PPP1R13B: variants seen among roughly 807,000 people sequenced by gnomAD.
PPP1R13B encodes protein phosphatase 1 regulatory subunit 13B, also known as apoptosis-stimulating of p53 protein 1.
A neutral mutation model predicts 119.8 loss-of-function variants in PPP1R13B; 44 were observed. The ratio of observed to expected loss-of-function variants is 0.37; its 90% CI spans 0.29 to 0.47. The LOEUF (loss-of-function observed/expected upper bound fraction) is 0.47, where lower values mean the gene tolerates loss of function less well. Ranked by LOEUF, PPP1R13B falls within the 20% of genes least tolerant of loss-of-function variation. The probability of loss-of-function intolerance (pLI) is 0.99; values close to 1 mark genes in which losing one functional copy is unlikely to be tolerated. For synonymous variants in PPP1R13B, 542 were observed against 561.5 expected (o/e 0.97, Z 0.49); for missense variants, 1,227 against 1,413.5 (o/e 0.87, Z 2.12).
At chr14:103,811,088 C>A (rs1455648477) in intron 1 of PPP1R13B, among the ~76,000 whole-genome samples, 8 of 125,314 alleles carry the variant, frequency 6.4e-5, no homozygotes, top group African/African-American at 2.6e-4. Context: ...GCGTGAGACT[C>A]CTCCTCAAAA....
Position 103,738,522 on chromosome 14 carries a change from G to T in PPP1R13B, c.2864+157C>A. The T allele has an allele frequency of 8.2e-7, 1 of 1,216,824 alleles. No homozygotes were observed. The highest frequency in any genetic ancestry group is 1.1e-6 in the Non-Finnish European group (1 of 884,128). 75.4% of individuals were successfully genotyped at this position (1,216,824 alleles called of 1,614,324 possible). ...GAGAAAAGGCTGGAAAAAAAGGCAA[G>T]GAAACCCTGGCAACAGCTGTCTTTC... is the stretch of plus-strand genomic sequence containing the variant. On this transcript the variant is annotated intron_variant, in intron 14 of 16. Coordinates refer to ENST00000202556, the MANE Select transcript of PPP1R13B (RefSeq NM_015316.3). This position sits in a 1 kb window ranked among gnomAD's most constrained non-coding sequence, Gnocchi z 5.6.
chr14:103,841,320 G>C (rs1411520273), intron 1 of PPP1R13B, among the ~76,000 whole-genome samples: 1 of 152,014 alleles, frequency 6.6e-6, no homozygotes, highest in Non-Finnish European at 1.5e-5. Context: ...GGGCGCGGTG[G>C]CTCAAGCCTG....
chr14:103,800,546 C>G (rs1347305881), intron 1 of PPP1R13B, among the ~76,000 whole-genome samples: 1 of 151,658 alleles, frequency 6.6e-6, no homozygotes, highest in Non-Finnish European at 1.5e-5. Flanking sequence ...CCCAGCTACT[C>G]AGGAGGCTGA....
intron 1 of PPP1R13B, among the ~76,000 whole-genome samples, chr14:103,799,622 T>G (rs929936744): frequency 1.3e-5 from 2 of 151,572 alleles, no homozygotes; most frequent in South Asian, 4.1e-4. Flanking sequence ...TTTTTGTTTT[T>G]TTTTTTTTTA....
intron 9 of PPP1R13B, among the ~76,000 whole-genome samples, chr14:103,746,085 C>T (rs1191378277): frequency 3.9e-5 from 6 of 152,232 alleles, no homozygotes; most frequent in African/African-American, 9.6e-5. Context: ...GGATTACAGG[C>T]GTGAGCCACT....
At chr14:103,761,209 G>A (rs1477076354) in intron 4 of PPP1R13B, among the ~76,000 whole-genome samples, 1 of 144,880 alleles carries the variant, frequency 6.9e-6, no homozygotes, top group East Asian at 2.0e-4. Flanking sequence ...GGGAGGTTGA[G>A]AATGCAGTGA....
chr14:103,766,645 T>C (rs2151998884), intron 4 of PPP1R13B, among the ~76,000 whole-genome samples: 1 of 152,374 alleles, frequency 6.6e-6, no homozygotes, highest in South Asian at 2.1e-4. Flanking sequence ...AGTCTCGCTC[T>C]GTCACCAGCT....
Position 103,753,095 on chromosome 14 carries a change from A to C in PPP1R13B, c.733T>G (p.Leu245Val). The change falls in exon 7 of 17, where the codon TTA becomes GTA. Residue 245 changes from leucine to valine, a missense_variant. Leu to Val is a conservative substitution (Grantham distance 32). Coordinates refer to ENST00000202556, the MANE Select transcript of PPP1R13B (RefSeq NM_015316.3). ...VDQLSQQLED[L>V]KKGKLNGFQS... Reference sequence around the variant, plus strand: ...AACCCATTCAGTTTTCCTTTCTTTAAATCTTCCAATTGCTGACTAAGCTGA... The same window carrying C: ...AACCCATTCAGTTTTCCTTTCTTTACATCTTCCAATTGCTGACTAAGCTGA... 2 of 1,614,096 alleles carry C rather than the reference A, an allele frequency of 1.2e-6. No homozygotes were observed. The highest frequency in any genetic ancestry group is 1.7e-6 in the Non-Finnish European group (2 of 1,180,032).
At chr14:103,847,120 C>T in intron 1 of PPP1R13B, 179 bp downstream of exon 1, 1 of 983,644 alleles carries the variant, frequency 1.0e-6, no homozygotes, top group Non-Finnish European at 1.2e-6. Flanking sequence ...GACAGCCCGG[C>T]GCCGCCCCCA....
chr14:103,820,115 G>A (rs1327421075), intron 1 of PPP1R13B, among the ~76,000 whole-genome samples: 3 of 152,152 alleles, frequency 2.0e-5, no homozygotes, highest in Non-Finnish European at 4.4e-5. Context: ...AAAAAGGCCA[G>A]CAACAATCAG....
rs551112322 is a variant in PPP1R13B at position 103,836,380 on chromosome 14, C to T, written c.9+10919G>A. On this transcript the variant is annotated intron_variant, in intron 1 of 16. Transcript: ENST00000202556. ...TTATTACATATAGTAACAGACAATGCTCTAAGCACCTGACAATCCTAACAG... is the reference window on the plus strand; with the variant it reads ...TTATTACATATAGTAACAGACAATGTTCTAAGCACCTGACAATCCTAACAG... Among the ~76,000 whole-genome samples the T allele has an allele frequency of 1.5e-4, 23 of 152,204 alleles. No homozygotes were observed. The Middle Eastern group carries it at 0.017, about 113-fold the overall frequency.
At chr14:103,778,576 T>TAA (rs1231787188) in intron 4 of PPP1R13B, 169 bp downstream of exon 4, 6 of 601,804 alleles carry the variant, frequency 1.0e-5, no homozygotes, top group Non-Finnish European at 1.8e-5. Context: ...ATTAATTTTT[T>TAA]AAAACCTTTT....
At position 103,797,354 on chromosome 14, in the gene PPP1R13B, C is replaced by T; in HGVS notation, c.157+17G>A. On this transcript the variant is annotated intron_variant, in intron 2 of 16. Coordinates refer to ENST00000202556, the MANE Select transcript of PPP1R13B (RefSeq NM_015316.3). ...GATTTTATCAATGTAACAATCTTTA[C>T]AGGACCTAATACATACCATTTCCCC... 2 of 1,596,340 alleles carry T rather than the reference C, an allele frequency of 1.3e-6. No individual in the cohort carries two copies. The highest frequency in any genetic ancestry group is 8.5e-7 in the Non-Finnish European group (1 of 1,172,526).
intron 2 of PPP1R13B, among the ~76,000 whole-genome samples, chr14:103,790,903 G>A (rs1294135774): frequency 6.6e-6 from 1 of 152,128 alleles, no homozygotes; most frequent in Non-Finnish European, 1.5e-5. Context: ...ATAAACTTGT[G>A]TTTATACTTA....
At chr14:103,805,558 G>A (rs1235881141) in intron 1 of PPP1R13B, among the ~76,000 whole-genome samples, 1 of 151,756 alleles carries the variant, frequency 6.6e-6, no homozygotes, top group East Asian at 1.9e-4. Flanking sequence ...GTGACAGAGC[G>A]AGATGCTGTC....
intron 1 of PPP1R13B, among the ~76,000 whole-genome samples, chr14:103,833,224 C>A (rs2086698770): frequency 6.6e-6 from 1 of 152,136 alleles, no homozygotes; most frequent in Non-Finnish European, 1.5e-5. Context: ...TAATACACTT[C>A]CCTCACATCT....
At position 103,827,559 on chromosome 14, in the gene PPP1R13B, T is replaced by C. The variant is rs142031939; in HGVS notation, c.9+19740A>G. 8.7e-4 allele frequency among the ~76,000 whole-genome samples: 131 copies of C among 150,492 alleles called. 1 individual carries two copies. Among genetic ancestry groups the C allele is most frequent in the African/African-American group, 3.1e-3 (127 of 40,594 alleles). ...GCTAGAAAGTTATAGTATGATATAGTATATATCACACTATAGATCTATAGT... is the reference window on the plus strand; with the variant it reads ...GCTAGAAAGTTATAGTATGATATAGCATATATCACACTATAGATCTATAGT... On this transcript the variant is annotated intron_variant, in intron 1 of 16. Transcript: ENST00000202556.
chr14:103,742,270 G>A lies in PPP1R13B; in HGVS notation c.1342C>T (p.Pro448Ser), dbSNP rs1324969771. 2 of 1,566,392 alleles carry A rather than the reference G, an allele frequency of 1.3e-6. No individual in the cohort carries two copies. Among genetic ancestry groups the A allele is most frequent in the Admixed American group, 3.6e-5 (2 of 55,168 alleles). ...EKPGIEIGKV[P>S]PPIPGVGKQL... ...TTGCCTACACCCGGGATGGGAGGTGGCACTTTACCAATCTCGATGCCCTAA... is the reference window on the plus strand; with the variant it reads ...TTGCCTACACCCGGGATGGGAGGTGACACTTTACCAATCTCGATGCCCTAA... Residue 448 changes from proline to serine, a missense_variant, in exon 11 of 17, where the codon CCA becomes TCA. Coordinates refer to ENST00000202556, the MANE Select transcript of PPP1R13B (RefSeq NM_015316.3). This position sits in a 1 kb window ranked among gnomAD's most constrained non-coding sequence, Gnocchi z 4.9.
At chr14:103,805,681 A>C (rs927862913) in intron 1 of PPP1R13B, among the ~76,000 whole-genome samples, 4 of 152,246 alleles carry the variant, frequency 2.6e-5, no homozygotes, top group Admixed American at 1.3e-4. Context: ...ATACAATGGA[A>C]TATTATTCAG....
Sources: gnomAD v4.1 joint callset for allele counts (sites outside exome capture counted in the v4.1 genomes callset) on GRCh38, gnomAD v4.1.1 for gene constraint, Gnocchi (gnomAD v3.1) non-coding constraint, MANE v1.5 for transcripts, NCBI Gene and HGNC (gene_info 2026-07-23, HGNC 2026-07-21) for gene names.